The following LUZP2 variants were observed in gnomAD, a reference collection of about 807,000 sequenced individuals.
LUZP2 encodes the protein leucine zipper protein 2.
Under a neutral mutation model 51.6 loss-of-function variants are expected in LUZP2, and 52 were observed. That is an observed-to-expected ratio of 1.01 (90% confidence interval 0.81 to 1.27). The LOEUF (loss-of-function observed/expected upper bound fraction) is 1.27, where lower values mean the gene tolerates loss of function less well. LUZP2 is among the 50% of genes most tolerant of loss of function. The pLI is 0.00. For synonymous variants in LUZP2, 154 were observed against 137.3 expected, an observed-to-expected ratio of 1.12 and a Z score of -0.85; for missense variants, 436 against 395.4, an observed-to-expected ratio of 1.10 and a Z score of -0.87.
chr11:24,532,554 C>CA (rs1310126993), intron 1 of LUZP2, among the ~76,000 whole-genome samples: 3 of 150,918 alleles, frequency 2.0e-5, no homozygotes, highest in African/African-American at 4.8e-5. Flanking sequence ...CATCAAAACA[C>CA]AAAAAAGTCG....
intron 1 of LUZP2, among the ~76,000 whole-genome samples, chr11:24,564,447 C>CAAAA (rs1852151871): frequency 6.6e-6 from 1 of 152,092 alleles, no homozygotes; most frequent in African/African-American, 2.4e-5. Context: ...TCCTCTTGAA[C>CAAAA]TATTAAGATA....
intron 7 of LUZP2, among the ~76,000 whole-genome samples, chr11:24,935,257 G>T (rs1319790405): frequency 3.3e-5 from 5 of 152,104 alleles, no homozygotes; most frequent in Non-Finnish European, 5.9e-5. Context: ...AAGTAGAGTT[G>T]ATCTGCATAT....
chr11:24,707,301 T>G (rs71476395), intron 1 of LUZP2, among the ~76,000 whole-genome samples: 1 of 149,076 alleles, frequency 6.7e-6, no homozygotes. Flanking sequence ...TCTCATTCTG[T>G]GTGTGCGTGT....
chr11:25,045,682 A>G (rs993581944), intron 9 of LUZP2, among the ~76,000 whole-genome samples: 2 of 152,178 alleles, frequency 1.3e-5, no homozygotes, highest in African/African-American at 4.8e-5. Flanking sequence ...CTGAATATCT[A>G]TGCTAAAATC....
At chr11:24,608,295 T>C (rs1854002415) in intron 1 of LUZP2, among the ~76,000 whole-genome samples, 1 of 152,222 alleles carries the variant, frequency 6.6e-6, no homozygotes, top group Non-Finnish European at 1.5e-5. Flanking sequence ...AGAGTGAGTA[T>C]AATTCTACAA....
chr11:24,823,999 G>C (rs1014869827), intron 5 of LUZP2, among the ~76,000 whole-genome samples: 2 of 151,728 alleles, frequency 1.3e-5, no homozygotes, highest in Admixed American at 6.6e-5. Flanking sequence ...GGAGGCAGAG[G>C]TTGCAGTGAG....
rs561653668 is a variant in LUZP2, at chr11:24,831,447, C to T, written c.396+68139C>T. Among the ~76,000 whole-genome samples, 65 of 152,196 alleles carry T rather than the reference C, an allele frequency of 4.3e-4. No individual in the cohort carries two copies. The Middle Eastern group carries it at 0.01, about 24-fold the overall frequency. ...GAAGCAGAAGCTCTCTTTAGAAAAA[C>T]AGAATGAGATGCTTTTAAAGGAGCT... is the stretch of plus-strand genomic sequence containing the variant. On this transcript the variant is annotated intron_variant, in intron 5 of 11. Coordinates refer to ENST00000336930, the MANE Select transcript of LUZP2 (RefSeq NM_001009909.4).
chr11:24,567,684 A>G (rs1397755793), intron 1 of LUZP2, among the ~76,000 whole-genome samples: 2 of 152,116 alleles, frequency 1.3e-5, no homozygotes, highest in Non-Finnish European at 2.9e-5. Flanking sequence ...AGACTTTCAA[A>G]CTGTTGAATG....
At chr11:24,717,891 A>C (rs1858116490) in intron 1 of LUZP2, among the ~76,000 whole-genome samples, 1 of 138,288 alleles carries the variant, frequency 7.2e-6, no homozygotes, top group Admixed American at 7.3e-5. Flanking sequence ...AATAGCCTCC[A>C]GCTCCATCCA....
chr11:24,860,107 G>C (rs917689620), intron 5 of LUZP2, among the ~76,000 whole-genome samples: 1 of 152,170 alleles, frequency 6.6e-6, no homozygotes, highest in African/African-American at 2.4e-5. Flanking sequence ...TCCCCTGCTG[G>C]AGCCAGGGAG....
In LUZP2 at chr11:24,686,823, C is replaced by T. The variant is rs1399491734; in HGVS notation, c.63-42346C>T. On this transcript the variant is annotated intron_variant, in intron 1 of 11. Coordinates refer to ENST00000336930, the MANE Select transcript of LUZP2 (RefSeq NM_001009909.4). ...TTAACTTTCTCACCTCATGACTGCC[C>T]TTCAACATTTTATGTTAAAGGTTTG... Among the ~76,000 whole-genome samples, 4 of 152,094 alleles carry T rather than the reference C, an allele frequency of 2.6e-5. No homozygotes were observed. In the East Asian group the frequency reaches 7.7e-4, roughly 29 times the overall value.
chr11:24,681,764 C>T (rs1856744217), intron 1 of LUZP2, among the ~76,000 whole-genome samples: 1 of 152,128 alleles, frequency 6.6e-6, no homozygotes, highest in South Asian at 2.1e-4. Flanking sequence ...CTTCACTTTT[C>T]TCTCTTCAAA....
chr11:24,681,855 T>C (rs1025788381), intron 1 of LUZP2, among the ~76,000 whole-genome samples: 1 of 152,194 alleles, frequency 6.6e-6, no homozygotes, highest in Non-Finnish European at 1.5e-5. Context: ...TTTTATGGCA[T>C]TTTTCCAGGA....
In LUZP2 at chr11:24,594,330, T is replaced by C. The variant is rs72878841; in HGVS notation, c.62+97025T>C. Among the ~76,000 whole-genome samples the C allele has an allele frequency of 3.0e-3, 460 of 152,324 alleles. 3 individuals carry two copies. Among genetic ancestry groups the C allele is most frequent in the Non-Finnish European group, 3.8e-3 (256 of 68,024 alleles). ...TAATATTTGGAAGGACAGTAACTAA[T>C]AGTGCTCTTAAGAAACTCAGGCAGT... On this transcript the variant is annotated intron_variant, in intron 1 of 11. Coordinates refer to ENST00000336930, the MANE Select transcript of LUZP2 (RefSeq NM_001009909.4).
chr11:24,613,428 G>T (rs187894855), intron 1 of LUZP2, among the ~76,000 whole-genome samples: 72 of 152,102 alleles, frequency 4.7e-4, no homozygotes, highest in Non-Finnish European at 3.4e-4. Flanking sequence ...AATAAAAAAT[G>T]ACATAGGGTA....
At chr11:24,620,543 T>A (rs1854460032) in intron 1 of LUZP2, among the ~76,000 whole-genome samples, 1 of 152,222 alleles carries the variant, frequency 6.6e-6, no homozygotes, top group Non-Finnish European at 1.5e-5. Flanking sequence ...TTTAATGTTG[T>A]TCTGTAGATC....
chr11:24,928,229 C>A (rs182040297), intron 7 of LUZP2, among the ~76,000 whole-genome samples: 1 of 152,142 alleles, frequency 6.6e-6, no homozygotes, highest in Admixed American at 6.5e-5. Flanking sequence ...CCCTTTATTT[C>A]TTTCTCTTGT....
At chr11:24,802,957 C>T (rs1372352925) in intron 5 of LUZP2, among the ~76,000 whole-genome samples, 1 of 151,878 alleles carries the variant, frequency 6.6e-6, no homozygotes, top group Non-Finnish European at 1.5e-5. Flanking sequence ...CTTAGACTTC[C>T]CAGCTTTTAG....
intron 5 of LUZP2, among the ~76,000 whole-genome samples, chr11:24,858,880 A>G (rs992122244): frequency 6.6e-6 from 1 of 152,222 alleles, no homozygotes; most frequent in Non-Finnish European, 1.5e-5. Flanking sequence ...TCTTTAGTTT[A>G]TCCCACCTCC....
Sources: gnomAD v4.1 joint callset for allele counts (sites outside exome capture counted in the v4.1 genomes callset) on GRCh38, gnomAD v4.1.1 for gene constraint, MANE v1.5 for transcripts, NCBI Gene and HGNC (gene_info 2026-07-23, HGNC 2026-07-21) for gene names.